Variants in MARK3 observed in about 807,000 individuals in gnomAD.
MARK3 encodes MAP/microtubule affinity-regulating kinase 3.
Under a neutral mutation model 90.1 loss-of-function variants are expected in MARK3, and 46 were observed. That is an observed-to-expected ratio of 0.51 (90% CI 0.40 to 0.65). MARK3 has a LOEUF of 0.65. Among genes scored for constraint, MARK3 ranks in the 30% least tolerant of loss-of-function variants. MARK3 has a pLI of 0.00. For synonymous variants in MARK3, 321 were observed against 332.6 expected (o/e 0.97, Z 0.38); for missense variants, 818 against 947.2 (o/e 0.86, Z 1.79).
At chr14:103,412,063 G>A (rs573293169) in intron 2 of MARK3, 9 of 443,830 alleles carry the variant, frequency 2.0e-5, no homozygotes, top group African/African-American at 1.6e-4. Context: ...GGGATTAGTT[G>A]GTTTTTTGTT....
intron 14 of MARK3, among the ~76,000 whole-genome samples, chr14:103,487,005 C>T (rs555969165): frequency 6.6e-6 from 1 of 151,976 alleles, no homozygotes; most frequent in East Asian, 2.0e-4. Flanking sequence ...GCAGCTACCA[C>T]CCCCGGGTTT....
Position 103,503,531 on chromosome 14 carries a change from G to T in MARK3, c.*304G>T. 1 of 356,216 alleles carries T rather than the reference G, an allele frequency of 2.8e-6. No homozygotes were observed. The highest frequency in any genetic ancestry group is 5.2e-6 in the Non-Finnish European group (1 of 193,250). 22.1% of individuals were successfully genotyped at this position (356,216 alleles called of 1,614,324 possible). A position where few individuals can be genotyped will look rare whatever the true frequency, so the allele number is the denominator to read the frequency against. On this transcript the variant is annotated 3_prime_UTR_variant, in exon 18 of 18. Coordinates refer to ENST00000429436, the MANE Select transcript of MARK3 (RefSeq NM_001128918.3). Reference sequence around the variant, plus strand: ...GAGTGGACGGTATGTGTGTGAAGTGGTGTATATGGAAGCATCTCCCTACAC... The same window carrying T: ...GAGTGGACGGTATGTGTGTGAAGTGTTGTATATGGAAGCATCTCCCTACAC...
At chr14:103,438,194 G>A (rs1230302546) in intron 3 of MARK3, among the ~76,000 whole-genome samples, 1 of 151,954 alleles carries the variant, frequency 6.6e-6, no homozygotes, top group Non-Finnish European at 1.5e-5. Flanking sequence ...GTAGAGACAG[G>A]GTTTCTCCAT....
At chr14:103,457,402 C>G (rs1428083783) in intron 6 of MARK3, among the ~76,000 whole-genome samples, 190 bp downstream of exon 6, 2 of 152,190 alleles carry the variant, frequency 1.3e-5, no homozygotes, top group Non-Finnish European at 2.9e-5. Context: ...AGCCATGGTT[C>G]TATTCCTAGC....
chr14:103,483,588 A>G (rs1176021477), intron 14 of MARK3, among the ~76,000 whole-genome samples: 2 of 152,194 alleles, frequency 1.3e-5, no homozygotes, highest in African/African-American at 4.8e-5. Context: ...TCTTTGTTTT[A>G]TCAGCTTTCC....
Position 103,395,548 on chromosome 14 carries a change from T to C in MARK3, c.51+9468T>C, listed in dbSNP as rs543137368. 1.8e-4 allele frequency among the ~76,000 whole-genome samples: 28 copies of C among 152,312 alleles called. No homozygotes were observed. The South Asian group carries it at 2.5e-3, about 14-fold the overall frequency. On this transcript the variant is annotated intron_variant, in intron 1 of 17. Coordinates refer to ENST00000429436, the MANE Select transcript of MARK3 (RefSeq NM_001128918.3). ...ATCCTGAGATCTCCCTTCACCCATATCCTAGGGATTCCCTTTGCCTTTCCT... is the reference window on the plus strand; with the variant it reads ...ATCCTGAGATCTCCCTTCACCCATACCCTAGGGATTCCCTTTGCCTTTCCT...
chr14:103,410,662 G>A (rs368996635), intron 2 of MARK3, among the ~76,000 whole-genome samples: 4 of 152,048 alleles, frequency 2.6e-5, no homozygotes, highest in Admixed American at 2.0e-4. Context: ...TGATTGTACC[G>A]CTGTACTCCA....
chr14:103,498,639 TC>T, intron 16 of MARK3, 111 bp downstream of exon 16: 1 of 1,016,534 alleles, frequency 9.8e-7, no homozygotes, highest in Non-Finnish European at 1.3e-6. Flanking sequence ...AACTAAACTT[TC>T]TGCTGATAAC....
intron 11 of MARK3, chr14:103,467,674 C>CAAAAAAAAAAA (rs10525116): frequency 0.041 from 1,820 of 44,900 alleles, 403 homozygotes; most frequent in East Asian, 0.084. Flanking sequence ...GACTCTGTCT[C>CAAAAAAAAAAA]AAAAAAAAAA....
intron 1 of MARK3, among the ~76,000 whole-genome samples, chr14:103,404,477 G>A (rs536734406): frequency 3.3e-5 from 5 of 152,320 alleles, no homozygotes; most frequent in Admixed American, 3.3e-4. Context: ...ATATTTCATA[G>A]GGTAGAGACA....
chr14:103,417,175 A>G (rs12892062), intron 2 of MARK3: 43,057 of 152,112 alleles, frequency 0.28, 7,271 homozygotes, highest in Non-Finnish European at 0.36. Flanking sequence ...TAGTATAGTG[A>G]AAGGACAAAG....
chr14:103,391,452 TA>T (rs934811051), intron 1 of MARK3, among the ~76,000 whole-genome samples: 4 of 152,212 alleles, frequency 2.6e-5, no homozygotes, highest in Non-Finnish European at 4.4e-5. Flanking sequence ...ATGCAGTATT[TA>T]AATTTTCTCA....
Position 103,468,203 on chromosome 14 carries a change from C to G in MARK3, c.1264+17C>G. 6.2e-7 allele frequency: 1 copy of G among 1,609,722 alleles called. No individual in the cohort carries two copies. The highest frequency in any genetic ancestry group is 1.1e-5 in the South Asian group (1 of 90,310). ...GTGACCATGGTAAGTTTTGGAGTAT[C>G]CCAGTGCCTTCTCTTAGAGTCCAGG... On this transcript the variant is annotated intron_variant, in intron 12 of 17. Transcript: ENST00000429436.
intron 16 of MARK3, chr14:103,498,790 A>G: frequency 4.3e-6 from 1 of 231,822 alleles, no homozygotes; most frequent in Non-Finnish European, 8.2e-6. Flanking sequence ...ATTATTTAGC[A>G]TCCAAATAAT....
rs375007180 is a variant in MARK3, at chr14:103,465,977, G to A, written c.783G>A (p.Leu261=). 3.1e-6 allele frequency: 5 copies of A among 1,609,164 alleles called. No individual in the cohort carries two copies. Among genetic ancestry groups the A allele is most frequent in the South Asian group, 1.1e-5 (1 of 90,456 alleles). The change falls in exon 9 of 18, where the codon CTG becomes CTA. Residue 261 remains leucine (L), a synonymous_variant. Coordinates refer to ENST00000429436, the MANE Select transcript of MARK3 (RefSeq NM_001128918.3). ...LPFDGQNLKE[L]RERVLRGKYR... ...TCCTCTGTACCTCTCCAAAGGAACTGAGAGAGAGAGTATTAAGAGGGAAAT... is the reference window on the plus strand; with the variant it reads ...TCCTCTGTACCTCTCCAAAGGAACTAAGAGAGAGAGTATTAAGAGGGAAAT...
intron 5 of MARK3, among the ~76,000 whole-genome samples, chr14:103,455,798 AATTT>A (rs943670498): frequency 6.6e-5 from 10 of 152,124 alleles, no homozygotes; most frequent in African/African-American, 2.4e-4. Flanking sequence ...CATTATGTAA[AATTT>A]ATTCTTTCAG....
Position 103,400,943 on chromosome 14 carries a change from T to TTTTGTGTG in MARK3, c.52-4132_52-4131insTTGTGTGT, listed in dbSNP as rs376325674. On this transcript the variant is annotated intron_variant, in intron 1 of 17. Coordinates refer to ENST00000429436, the MANE Select transcript of MARK3 (RefSeq NM_001128918.3). The stretch of plus-strand genomic sequence containing the variant: ...AGTTATCAAAGAATTATATAACATT[T>TTTTGTGTG]TGTGTGTGTGTGTGTGTGTGTGTGT... Among the ~76,000 whole-genome samples, 3 of 123,548 alleles carry TTTTGTGTG rather than the reference T, an allele frequency of 2.4e-5. No homozygotes were observed. The South Asian group carries it at 8.5e-4, about 35-fold the overall frequency. The allele number at this position is 123,548 out of a possible 152,430, so 81.1% of individuals were successfully genotyped here. A position where few individuals can be genotyped will look rare whatever the true frequency, so the allele number is the denominator to read the frequency against.
rs759099434 is a variant in MARK3 at position 103,480,461 on chromosome 14, C to T, written c.1557C>T (p.His519=). 12 of 1,612,180 alleles carry T rather than the reference C, an allele frequency of 7.4e-6. No homozygotes were observed. In the East Asian group the frequency reaches 2.5e-4, roughly 33 times the overall value. ...VCSERTTADR[H]SVIQNGKENS... is the part of the protein sequence containing the mutation. ...GTGAGAGAACTACAGCTGATAGACA[C>T]TCAGTGATTCAGAATGGCAAAGAAA... Residue 519 remains histidine, a synonymous_variant, in exon 14 of 18, where the codon CAC becomes CAT. Transcript: ENST00000429436.
At chr14:103,415,330 A>G (rs1212355116) in intron 2 of MARK3, among the ~76,000 whole-genome samples, 1 of 152,166 alleles carries the variant, frequency 6.6e-6, no homozygotes, top group Non-Finnish European at 1.5e-5. Flanking sequence ...GTGTAAGTTC[A>G]GTTTAGATGA....
Sources: allele counts gnomAD v4.1 joint callset (sites outside exome capture counted in the v4.1 genomes callset), GRCh38; gene constraint gnomAD v4.1.1; transcripts MANE v1.5; gene names NCBI Gene and HGNC (gene_info 2026-07-23, HGNC 2026-07-21).